ENOX1: variants seen among roughly 807,000 people sequenced by gnomAD.
ENOX1 encodes the protein ecto-NOX disulfide-thiol exchanger 1.
A neutral mutation model predicts 82.5 loss-of-function variants in ENOX1; 42 were observed. The observed-to-expected ratio is 0.51, with a 90% CI of 0.40 to 0.66. ENOX1 has a LOEUF of 0.66. Ranked by LOEUF, ENOX1 falls within the 30% of genes least tolerant of loss-of-function variation. ENOX1 has a pLI of 0.00. For missense variants in ENOX1, 608 were observed against 811.6 expected (o/e 0.75, Z 3.05); for synonymous variants, 271 against 282.2 (o/e 0.96, Z 0.40).
chr13:43,727,117 G>C (rs2089029842), intron 1 of ENOX1, among the ~76,000 whole-genome samples: 1 of 152,142 alleles, frequency 6.6e-6, no homozygotes. Flanking sequence ...TGCTGGTACT[G>C]AATTTCCAGC....
chr13:43,381,141 T>G (rs1185601724), intron 5 of ENOX1, among the ~76,000 whole-genome samples: 2 of 151,774 alleles, frequency 1.3e-5, no homozygotes, highest in Admixed American at 1.3e-4. Flanking sequence ...TTATCAAGAT[T>G]GGCCATATTC....
chr13:43,703,088 T>C (rs1265783676), intron 1 of ENOX1, among the ~76,000 whole-genome samples: 1 of 151,436 alleles, frequency 6.6e-6, no homozygotes, highest in African/African-American at 2.4e-5. Context: ...GGCATCTTGA[T>C]CTTGGACTTC....
intron 3 of ENOX1, among the ~76,000 whole-genome samples, chr13:43,478,636 T>C (rs2058388248): frequency 6.6e-6 from 1 of 152,200 alleles, no homozygotes; most frequent in Admixed American, 6.5e-5. Flanking sequence ...CTCATTTTAC[T>C]AGAAATCAAA....
intron 1 of ENOX1, among the ~76,000 whole-genome samples, chr13:43,737,875 T>C (rs2089708821): frequency 6.6e-6 from 1 of 152,198 alleles, no homozygotes; most frequent in Admixed American, 6.5e-5. Flanking sequence ...TACCTACTAA[T>C]GTGGTGTCTA....
rs930778682 is a variant in ENOX1, at chr13:43,285,998, A to G, written c.1446+12348T>C. Among the ~76,000 whole-genome samples, 4 of 152,004 alleles carry G rather than the reference A, an allele frequency of 2.6e-5. No individual in the cohort carries two copies. In the South Asian group the frequency reaches 6.2e-4, roughly 24 times the overall value. On this transcript the variant is annotated intron_variant, in intron 12 of 16. Transcript: ENST00000690772. The stretch of plus-strand genomic sequence containing the variant: ...CCTCTCCTAGCCAGCTGCATAGAGG[A>G]AAGCCCTGGAGCATGAAGACCCCCA...
intron 3 of ENOX1, among the ~76,000 whole-genome samples, chr13:43,476,347 T>G (rs188440685): frequency 6.6e-6 from 1 of 152,094 alleles, no homozygotes; most frequent in African/African-American, 2.4e-5. Flanking sequence ...TTGAGATACA[T>G]CTGGAACCTT....
At chr13:43,714,521 G>A (rs1036027051) in intron 1 of ENOX1, among the ~76,000 whole-genome samples, 3 of 152,132 alleles carry the variant, frequency 2.0e-5, no homozygotes, top group Non-Finnish European at 4.4e-5. Context: ...GGGTGTTAAA[G>A]TCTCCCGTTA....
At chr13:43,726,611 T>C (rs1304365422) in intron 1 of ENOX1, among the ~76,000 whole-genome samples, 1 of 152,110 alleles carries the variant, frequency 6.6e-6, no homozygotes, top group Non-Finnish European at 1.5e-5. Flanking sequence ...ACTCAACAAA[T>C]ACACACATGC....
intron 1 of ENOX1, among the ~76,000 whole-genome samples, chr13:43,741,494 A>T (rs866968616): frequency 6.6e-6 from 1 of 152,172 alleles, no homozygotes; most frequent in Non-Finnish European, 1.5e-5. Flanking sequence ...CTGGTGTGGT[A>T]TCTCATAGTG....
intron 2 of ENOX1, among the ~76,000 whole-genome samples, chr13:43,494,491 G>T (rs1422581697): frequency 6.6e-6 from 1 of 152,114 alleles, no homozygotes; most frequent in African/African-American, 2.4e-5. Flanking sequence ...GAAAATGACG[G>T]AACAGTCCCC....
At chr13:43,442,023 C>A (rs2056386664) in intron 3 of ENOX1, among the ~76,000 whole-genome samples, 1 of 152,042 alleles carries the variant, frequency 6.6e-6, no homozygotes, top group African/African-American at 2.4e-5. Flanking sequence ...CGAGAGAGAT[C>A]TCCTGGGAAA....
At chr13:43,228,377 A>G (rs889779926) in intron 15 of ENOX1, among the ~76,000 whole-genome samples, 1 of 152,160 alleles carries the variant, frequency 6.6e-6, no homozygotes, top group African/African-American at 2.4e-5. Flanking sequence ...ATATTGGAGA[A>G]TGGGTTTCCA....
At chr13:43,424,827 T>C (rs1424572572) in intron 3 of ENOX1, among the ~76,000 whole-genome samples, 13 of 152,118 alleles carry the variant, frequency 8.5e-5, no homozygotes, top group Admixed American at 8.5e-4. Flanking sequence ...GGTATGGCTA[T>C]ATCACTGGGA....
chr13:43,333,476 C>T (rs898818252), intron 9 of ENOX1, among the ~76,000 whole-genome samples: 7 of 152,204 alleles, frequency 4.6e-5, no homozygotes, highest in African/African-American at 1.7e-4. Context: ...CAGTTGTTGG[C>T]TCGATGCTAA....
intron 5 of ENOX1, among the ~76,000 whole-genome samples, chr13:43,374,801 A>C (rs1364754863): frequency 1.3e-5 from 2 of 152,212 alleles, no homozygotes; most frequent in Middle Eastern, 3.2e-3. Flanking sequence ...GACTGAAGAC[A>C]TCTGCCCACA....
At chr13:43,721,022 C>T (rs1209304296) in intron 1 of ENOX1, among the ~76,000 whole-genome samples, 2 of 152,132 alleles carry the variant, frequency 1.3e-5, no homozygotes, top group Non-Finnish European at 2.9e-5. Flanking sequence ...CAGGGCAACC[C>T]ATTATTTATT....
At chr13:43,653,242 T>A (rs1833823749) in intron 2 of ENOX1, among the ~76,000 whole-genome samples, 1 of 152,244 alleles carries the variant, frequency 6.6e-6, no homozygotes, top group Non-Finnish European at 1.5e-5. Context: ...CTCAGCATTG[T>A]TAATGGAAAC....
chr13:43,465,345 T>C (rs2057671499), intron 3 of ENOX1, among the ~76,000 whole-genome samples: 1 of 152,250 alleles, frequency 6.6e-6, no homozygotes, highest in African/African-American at 2.4e-5. Flanking sequence ...TACCATGTTA[T>C]TTATTTTGTG....
intron 1 of ENOX1, among the ~76,000 whole-genome samples, chr13:43,771,631 T>C (rs763196961): frequency 3.3e-5 from 5 of 152,212 alleles, no homozygotes; most frequent in African/African-American, 4.8e-5. Flanking sequence ...TTTAGAAATA[T>C]CTACCAAAGG....
Sources: gnomAD v4.1 joint callset for allele counts (sites outside exome capture counted in the v4.1 genomes callset) on GRCh38, gnomAD v4.1.1 for gene constraint, MANE v1.5 for transcripts, NCBI Gene and HGNC (gene_info 2026-07-23, HGNC 2026-07-21) for gene names.